Variants in CDC42BPG observed in about 807,000 individuals in gnomAD.
CDC42BPG encodes serine/threonine-protein kinase MRCK gamma.
Under a neutral mutation model 192.2 loss-of-function variants are expected in CDC42BPG, and 157 were observed. The observed-to-expected ratio is 0.82, with a 90% CI of 0.72 to 0.93. The LOEUF (loss-of-function observed/expected upper bound fraction) is 0.93. Among genes scored for constraint, CDC42BPG ranks in the 40% least tolerant of loss-of-function variants. The pLI is 0.00. For synonymous variants in CDC42BPG, 981 were observed against 918.5 expected (o/e 1.07, Z -1.23); for missense variants, 1,992 against 2,122.1 (o/e 0.94, Z 1.20).
chr11:64,836,018 C>T, intron 13 of CDC42BPG, 99 bp downstream of exon 13: 4 of 1,412,132 alleles, frequency 2.8e-6, no homozygotes, highest in East Asian at 2.5e-5. Context: ...CTGCCAGCTA[C>T]AACCGGGAGG....
intron 3 of CDC42BPG, among the ~76,000 whole-genome samples, chr11:64,841,367 TAC>T (rs1466450306): frequency 6.7e-6 from 1 of 149,190 alleles, no homozygotes; most frequent in African/African-American, 2.5e-5. Context: ...GCAGGAGAAT[TAC>T]TTGAACTGGG....
At position 64,827,611 on chromosome 11, in the gene CDC42BPG, C is replaced by A; in HGVS notation, c.4066G>T (p.Val1356Leu). The A allele has an allele frequency of 1.2e-6, 2 of 1,607,774 alleles. No individual in the cohort carries two copies. The highest frequency in any genetic ancestry group is 1.7e-6 in the Non-Finnish European group (2 of 1,175,496). The change falls in exon 32 of 37, where the codon GTG becomes TTG. Residue 1356 changes from valine (V) to leucine (L), a missense_variant and splice_region_variant. Physicochemically the swap from Val to Leu is conservative, Grantham distance 32. Transcript: ENST00000342711. ...GAGCCCTCTGGATTGAGGGGCCGCA[C>A]CTGAGGCAGCAGGCACAGCGGTCAG... Reference protein sequence around the residue: ...EWVQTVPLKKVRPLNPEGSLF... With the variant: ...EWVQTVPLKKLRPLNPEGSLF...
Position 64,841,904 on chromosome 11 carries a change from G to A in CDC42BPG, c.161C>T (p.Ala54Val), listed in dbSNP as rs1174183491. ...ERSVAQFLSWASPFVSKVKEL... is the reference protein window; with the variant it reads ...ERSVAQFLSWVSPFVSKVKEL... ...TTTCACCTTTGATACGAAGGGGCTG[G>A]CTGAGGGGACACAGGGCGGGACTCA... is the stretch of plus-strand genomic sequence containing the variant. The change falls in exon 2 of 37, where the codon GCC (alanine) becomes GTC (valine). Residue 54 changes from alanine (A) to valine (V), a missense_variant and splice_region_variant. Around this residue, in one of 2 missense-constraint regions of CDC42BPG, gnomAD observed 1,656 missense variants for 1,844.3 expected, o/e 0.90. Transcript: ENST00000342711. The A allele has an allele frequency of 6.2e-7, 1 of 1,600,004 alleles. No homozygotes were observed.
chr11:64,833,220 G>T lies in CDC42BPG; in HGVS notation c.2731+11C>A. The T allele has an allele frequency of 6.5e-7, 1 of 1,533,608 alleles. No individual in the cohort carries two copies. Among genetic ancestry groups the T allele is most frequent in the Non-Finnish European group, 8.8e-7 (1 of 1,132,334 alleles). The stretch of plus-strand genomic sequence containing the variant: ...GACCGTGGCTGGAGCATAGTGGGTG[G>T]GGACTCTCACCATCACAACCCAGGC... On this transcript the variant is annotated intron_variant, in intron 24 of 36. Coordinates refer to ENST00000342711, the MANE Select transcript of CDC42BPG (RefSeq NM_017525.3).
In CDC42BPG at chr11:64,834,877, C is replaced by T. The variant is rs1942899154; in HGVS notation, c.2147G>A (p.Gly716Asp). The T allele has an allele frequency of 6.2e-7, 1 of 1,613,874 alleles. No homozygotes were observed. The highest frequency in any genetic ancestry group is 1.3e-5 in the African/African-American group (1 of 75,060). The change falls in exon 18 of 37, where the codon GGC becomes GAC. Residue 716 changes from glycine (G) to aspartate (D), a missense_variant. Gly to Asp is a moderately conservative substitution (Grantham distance 94, BLOSUM62 -1). Around this residue, in one of 2 missense-constraint regions of CDC42BPG, gnomAD observed 1,656 missense variants for 1,844.3 expected, o/e 0.90. Coordinates refer to ENST00000342711, the MANE Select transcript of CDC42BPG (RefSeq NM_017525.3). ...AEELESLRNV[G>D]TQTLPARPLD... is the part of the protein sequence containing the mutation. ...TGGCCGGGCAGGGAGCGTCTGGGTG[C>T]CTACGTTCCTCAAGGACTCCAGCTC... is the stretch of plus-strand genomic sequence containing the variant.
intron 11 of CDC42BPG, 32 bp downstream of exon 11, chr11:64,836,707 G>GGGA: frequency 5.0e-6 from 3 of 603,806 alleles, no homozygotes; most frequent in East Asian, 7.9e-5. Context: ...ACTCAGCCCT[G>GGGA]GGGGGGGGGG....
At chr11:64,832,066 G>A (rs535948599) in intron 27 of CDC42BPG, among the ~76,000 whole-genome samples, 44 of 152,242 alleles carry the variant, frequency 2.9e-4, no homozygotes, top group Non-Finnish European at 5.7e-4. Context: ...CGGCAATTTC[G>A]TGCAAAGACA....
At chr11:64,830,298 T>G in intron 28 of CDC42BPG, 42 bp from the exon 29 acceptor site, 1 of 1,517,092 alleles carries the variant, frequency 6.6e-7, no homozygotes, top group Non-Finnish European at 9.0e-7. Context: ...GCAGTCCCAC[T>G]CAATGACACG....
Position 64,827,309 on chromosome 11 carries a change from C to T in CDC42BPG, c.4240G>A (p.Val1414Met), listed in dbSNP as rs139262308. 1.5e-5 allele frequency: 25 copies of T among 1,613,918 alleles called. No individual in the cohort carries two copies. Among genetic ancestry groups the T allele is most frequent in the South Asian group, 1.2e-4 (11 of 91,090 alleles). Reference protein sequence around the residue: ...TKSKRRFFFRVSEEQQKQQRR... With the variant: ...TKSKRRFFFRMSEEQQKQQRR... ...TGCTGCTTCTGCTGCTCCTCCGACA[C>T]GCGGAAAAAGAAGCGGCGCTTGCTC... Residue 1414 changes from valine (V) to methionine (M), a missense_variant, in exon 33 of 37, where the codon GTG becomes ATG. Around this residue, in one of 2 missense-constraint regions of CDC42BPG, gnomAD observed 336 missense variants for 277.9 expected, o/e 1.21. Transcript: ENST00000342711.
At position 64,826,749 on chromosome 11, in the gene CDC42BPG, G is replaced by T. The variant is rs1191806252; in HGVS notation, c.4435C>A (p.Arg1479=). ...GRVARGSGPQ[R]PHSFSEALRR... ...AACGCCTCGGAGAAGCTGTGGGGCCGCTGTGGGCCGGAGCCGCGGGCAACT... is the reference window on the plus strand; with the variant it reads ...AACGCCTCGGAGAAGCTGTGGGGCCTCTGTGGGCCGGAGCCGCGGGCAACT... Residue 1479 remains arginine, a synonymous_variant, in exon 35 of 37, where the codon CGG becomes AGG. Transcript: ENST00000342711. The T allele has an allele frequency of 1.3e-6, 2 of 1,539,166 alleles. No homozygotes were observed. Among genetic ancestry groups the T allele is most frequent in the East Asian group, 2.3e-5 (1 of 42,786 alleles).
In CDC42BPG at chr11:64,829,504, C is replaced by T. The variant is rs528528395; in HGVS notation, c.3934G>A (p.Glu1312Lys). Residue 1312 changes from glutamate (E) to lysine (K), a missense_variant, in exon 30 of 37, where the codon GAG becomes AAG. Physicochemically the swap from Glu to Lys is moderately conservative, Grantham distance 56 (BLOSUM62 1). Transcript: ENST00000342711. Reference sequence around the variant, plus strand: ...ATGGGCGCTGCTGGCCACAACAGCTCGTGGCCACGAGACTTGCGGCCTGCG... The same window carrying T: ...ATGGGCGCTGCTGGCCACAACAGCTTGTGGCCACGAGACTTGCGGCCTGCG... The part of the protein sequence containing the change: ...DGAGRKSRGH[E>K]LLWPAAPMGW... 4.3e-6 allele frequency: 7 copies of T among 1,612,888 alleles called. No homozygotes were observed. The highest frequency in any genetic ancestry group is 1.1e-5 in the South Asian group (1 of 91,074).
Position 64,827,070 on chromosome 11 carries a change from C to A in CDC42BPG, c.4369G>T (p.Gly1457Cys). Residue 1457 changes from glycine to cysteine, a missense_variant, in exon 34 of 37, where the codon GGC becomes TGC. By Grantham distance (159) the Gly-to-Cys change is radical (BLOSUM62 -3). Transcript: ENST00000342711. ...CTAACCGGGGACTTGTCCCTGGCGC[C>A]GGGCCGCCCGTTGGCAGGGCCCACG... ...VHVGPANGRP[G>C]ARDKSPAPEE... is the part of the protein sequence containing the mutation. The A allele has an allele frequency of 6.2e-7, 1 of 1,612,572 alleles. No individual in the cohort carries two copies. The highest frequency in any genetic ancestry group is 8.5e-7 in the Non-Finnish European group (1 of 1,178,658).
chr11:64,844,351 G>A (rs1943411015), intron 1 of CDC42BPG, 59 bp downstream of exon 1: 2 of 1,320,654 alleles, frequency 1.5e-6, no homozygotes, highest in Non-Finnish European at 1.9e-6. Context: ...CTGCGGGTGC[G>A]GGGGTCTCGG....
In CDC42BPG at chr11:64,829,733, G is replaced by A. The variant is rs7936466; in HGVS notation, c.3705C>T (p.Gly1235=). ...CGGCGGCGCCCACACATAGCCGGTC[G>A]CCCAGCAGCCCCAGGCTCTGCACAG... The part of the protein sequence containing the change: ...PATVQSLGLL[G]DRLCVGAAGG... The change falls in exon 30 of 37, where the codon GGC becomes GGT. Residue 1235 remains glycine, a synonymous_variant. Coordinates refer to ENST00000342711, the MANE Select transcript of CDC42BPG (RefSeq NM_017525.3). 1 of 1,607,162 alleles carries A rather than the reference G, an allele frequency of 6.2e-7. No homozygotes were observed.
Position 64,844,061 on chromosome 11 carries a change from G to A in CDC42BPG, c.160+349C>T, listed in dbSNP as rs1432285666. On this transcript the variant is annotated intron_variant, in intron 1 of 36. Coordinates refer to ENST00000342711, the MANE Select transcript of CDC42BPG (RefSeq NM_017525.3). ...GTGGGTGACATGCATGAGGGTCTGT[G>A]TGTGTCCTGCGTCAGGTGTGGCCTG... Among the ~76,000 whole-genome samples, 9 of 152,200 alleles carry A rather than the reference G, an allele frequency of 5.9e-5. No homozygotes were observed. The South Asian group carries it at 6.2e-4, about 10-fold the overall frequency.
chr11:64,840,314 G>T, intron 4 of CDC42BPG, 46 bp from the exon 5 acceptor site: 1 of 1,596,620 alleles, frequency 6.3e-7, no homozygotes, highest in Non-Finnish European at 8.5e-7. Flanking sequence ...GGGTGCACCT[G>T]GCCACTTCAC....
Position 64,836,722 on chromosome 11 carries a change from G to A in CDC42BPG, c.1384+17C>T, listed in dbSNP as rs1254184886. 1.2e-6 allele frequency: 1 copy of A among 859,758 alleles called. No homozygotes were observed. The highest frequency in any genetic ancestry group is 2.1e-5 in the African/African-American group (1 of 46,632). 53.3% of individuals were successfully genotyped at this position (859,758 alleles called of 1,614,324 possible). A position where few individuals can be genotyped will look rare whatever the true frequency, so the allele number is the denominator to read the frequency against. ...ACTCAGCCCTGGGGGGGGGGGGGGGGTGGGCGGAAGGGATACCTGGCAGCC... is the reference window on the plus strand; with the variant it reads ...ACTCAGCCCTGGGGGGGGGGGGGGGATGGGCGGAAGGGATACCTGGCAGCC... On this transcript the variant is annotated intron_variant, in intron 11 of 36. Coordinates refer to ENST00000342711, the MANE Select transcript of CDC42BPG (RefSeq NM_017525.3).
rs1183883222 is a variant in CDC42BPG, at chr11:64,828,790, G to A, written c.3967+681C>T. Among the ~76,000 whole-genome samples the A allele has an allele frequency of 2.6e-5, 4 of 152,048 alleles. No homozygotes were observed. In the South Asian group the frequency reaches 8.3e-4, roughly 31 times the overall value. ...AATTAGGCTGGACGCGTTGGCTAAC[G>A]CCTGTAATCCCAGCACTTTGGGAGG... On this transcript the variant is annotated intron_variant, in intron 30 of 36. Coordinates refer to ENST00000342711, the MANE Select transcript of CDC42BPG (RefSeq NM_017525.3).
Position 64,838,645 on chromosome 11 carries a change from G to A in CDC42BPG, c.1125+9C>T, listed in dbSNP as rs1943132633. ...CAGCTCCCCTCCTGCAGTGGCCTTT[G>A]CCACTCACTGGATGGTTGAGGGTGT... On this transcript the variant is annotated intron_variant, in intron 8 of 36. Transcript: ENST00000342711. 1 of 1,611,252 alleles carries A rather than the reference G, an allele frequency of 6.2e-7. No homozygotes were observed. Among genetic ancestry groups the A allele is most frequent in the Non-Finnish European group, 8.5e-7 (1 of 1,178,366 alleles).
Sources: gnomAD v4.1 joint callset for allele counts (sites outside exome capture counted in the v4.1 genomes callset) on GRCh38, gnomAD v4.1.1 for gene constraint, gnomAD v4.1.1 regional missense constraint, MANE v1.5 for transcripts, NCBI Gene and HGNC (gene_info 2026-07-23, HGNC 2026-07-21) for gene names.